RABGAP1L: variants seen among roughly 807,000 people sequenced by gnomAD.
The protein encoded by RABGAP1L is rab GTPase-activating protein 1-like.
In RABGAP1L, 63 loss-of-function variants were observed where a neutral mutation model predicts 137.7. That is an observed-to-expected ratio of 0.46 (90% CI 0.37 to 0.56). The LOEUF is 0.56. Among genes scored for constraint, RABGAP1L ranks in the 20% least tolerant of loss-of-function variants. RABGAP1L has a pLI of 0.00. For synonymous variants in RABGAP1L, 431 were observed against 433.7 expected, an observed-to-expected ratio of 0.99 and a Z score of 0.08; for missense variants, 1,095 against 1,244.0, an observed-to-expected ratio of 0.88 and a Z score of 1.80.
intron 17 of RABGAP1L, among the ~76,000 whole-genome samples, chr1:174,740,704 A>G (rs1291455232): frequency 6.6e-6 from 1 of 152,198 alleles, no homozygotes; most frequent in East Asian, 1.9e-4. Flanking sequence ...CCAACAGTGT[A>G]TATGAGTTCC....
chr1:174,551,021 T>TATATATATATATACACAC (rs1553330343), intron 13 of RABGAP1L, among the ~76,000 whole-genome samples: 18 of 122,796 alleles, frequency 1.5e-4, no homozygotes, highest in African/African-American at 6.5e-4. Context: ...TATATATATA[T>TATATATATATATACACAC]ACATACACAC....
intron 13 of RABGAP1L, among the ~76,000 whole-genome samples, chr1:174,600,057 TC>T (rs1361403129): frequency 1.3e-5 from 2 of 152,064 alleles, no homozygotes; most frequent in Non-Finnish European, 2.9e-5. Flanking sequence ...TGAGGAGGCC[TC>T]AGAATCATGG....
intron 19 of RABGAP1L, among the ~76,000 whole-genome samples, chr1:174,934,394 G>A (rs575149937): frequency 2.6e-5 from 4 of 152,162 alleles, no homozygotes; most frequent in Admixed American, 2.0e-4. Flanking sequence ...GCCGAAAGTT[G>A]TACAGTTTTT....
chr1:174,972,483 T>A (rs1670219751), intron 21 of RABGAP1L, among the ~76,000 whole-genome samples: 1 of 152,192 alleles, frequency 6.6e-6, no homozygotes, highest in South Asian at 2.1e-4. Flanking sequence ...ATTAGAACTT[T>A]CAGTATCAAT....
intron 19 of RABGAP1L, among the ~76,000 whole-genome samples, chr1:174,882,976 C>T (rs1654492939): frequency 6.6e-6 from 1 of 152,188 alleles, no homozygotes; most frequent in African/African-American, 2.4e-5. Context: ...GCACACACCA[C>T]CATGCCTGGC....
chr1:174,988,118 TTTA>T (rs1488107456), intron 24 of RABGAP1L, among the ~76,000 whole-genome samples: 9 of 152,172 alleles, frequency 5.9e-5, no homozygotes, highest in African/African-American at 2.2e-4. Flanking sequence ...CGGAGTTACT[TTTA>T]TTAAGCAACA....
intron 13 of RABGAP1L, among the ~76,000 whole-genome samples, chr1:174,446,299 G>A (rs1000118000): frequency 7.2e-5 from 11 of 152,196 alleles, no homozygotes; most frequent in Admixed American, 5.2e-4. Flanking sequence ...AGTGAAACTA[G>A]GAATGTAGAA....
intron 13 of RABGAP1L, among the ~76,000 whole-genome samples, chr1:174,580,273 A>G (rs1022308821): frequency 3.9e-5 from 6 of 152,218 alleles, no homozygotes; most frequent in Non-Finnish European, 8.8e-5. Context: ...CAGCAATCCC[A>G]TTACTGGGTA....
At chr1:174,309,716 A>T (rs926895793) in intron 11 of RABGAP1L, among the ~76,000 whole-genome samples, 1 of 152,072 alleles carries the variant, frequency 6.6e-6, no homozygotes, top group African/African-American at 2.4e-5. Context: ...CTTGATCATG[A>T]TGAATAATCT....
intron 13 of RABGAP1L, among the ~76,000 whole-genome samples, chr1:174,418,229 C>T (rs1328092516): frequency 6.6e-6 from 1 of 152,194 alleles, no homozygotes; most frequent in African/African-American, 2.4e-5. Context: ...TCTAGTTTGA[C>T]ACTTGAATTA....
Position 174,957,479 on chromosome 1 carries a change from A to C in RABGAP1L, c.2363A>C (p.Lys788Thr). Residue 788 changes from lysine (K) to threonine (T), a missense_variant, in exon 20 of 26, where the codon AAA becomes ACA. Lys to Thr is a moderately conservative substitution (Grantham distance 78). Coordinates refer to ENST00000681986, the MANE Select transcript of RABGAP1L (RefSeq NM_001366446.1). ...CAGGTACCAACCAAGAAGCTGAAGA[A>C]ATATGAGAAAGAATATCAGACAATG... ...NIKVPTKKLK[K>T]YEKEYQTMRE... 6.2e-7 allele frequency: 1 copy of C among 1,613,670 alleles called. No homozygotes were observed. Among genetic ancestry groups the C allele is most frequent in the Non-Finnish European group, 8.5e-7 (1 of 1,179,582 alleles).
At chr1:174,268,523 A>G (rs1674276015) in intron 7 of RABGAP1L, among the ~76,000 whole-genome samples, 1 of 152,094 alleles carries the variant, frequency 6.6e-6, no homozygotes, top group Non-Finnish European at 1.5e-5. Flanking sequence ...TTTTAATAAT[A>G]AAAGTTTAGT....
intron 17 of RABGAP1L, among the ~76,000 whole-genome samples, chr1:174,733,886 C>T (rs1043010753): frequency 1.3e-5 from 2 of 152,038 alleles, no homozygotes; most frequent in Admixed American, 6.6e-5. Context: ...TTGTGTTAAT[C>T]CAGATCAGGA....
At chr1:174,372,358 C>T (rs1685175092) in intron 12 of RABGAP1L, among the ~76,000 whole-genome samples, 1 of 151,956 alleles carries the variant, frequency 6.6e-6, no homozygotes, top group African/African-American at 2.4e-5. Context: ...TCATACAGGG[C>T]TGGTGCATAG....
chr1:174,386,453 C>G (rs1686782908), intron 12 of RABGAP1L, among the ~76,000 whole-genome samples: 1 of 151,674 alleles, frequency 6.6e-6, no homozygotes, highest in Non-Finnish European at 1.5e-5. Flanking sequence ...CTAAACCACT[C>G]TGGTTTTAGA....
chr1:174,368,509 C>T (rs576704694), intron 11 of RABGAP1L, among the ~76,000 whole-genome samples: 1 of 152,092 alleles, frequency 6.6e-6, no homozygotes, highest in Admixed American at 6.5e-5. Context: ...TTGGTAGATA[C>T]GTTTCATTGT....
At chr1:174,623,497 C>G (rs954313694) in intron 13 of RABGAP1L, among the ~76,000 whole-genome samples, 3 of 152,150 alleles carry the variant, frequency 2.0e-5, no homozygotes, top group Non-Finnish European at 4.4e-5. Context: ...GAGATTAAAG[C>G]CAGCCAAGGG....
At position 174,432,131 on chromosome 1, in the gene RABGAP1L, T is replaced by A. The variant is rs558764174; in HGVS notation, c.1710+37986T>A. 2.3e-4 allele frequency among the ~76,000 whole-genome samples: 35 copies of A among 152,276 alleles called. No individual in the cohort carries two copies. In the East Asian group the frequency reaches 5.8e-3, roughly 25 times the overall value. On this transcript the variant is annotated intron_variant, in intron 13 of 25. Coordinates refer to ENST00000681986, the MANE Select transcript of RABGAP1L (RefSeq NM_001366446.1). ...CCTCTCTCCTTCCTAACTCTATTAG[T>A]TCCCAGCATCTATTGTTGCTATCTT...
In RABGAP1L at chr1:174,819,019, A is replaced by G. The variant is rs146890143; in HGVS notation, c.2340+7059A>G. Among the ~76,000 whole-genome samples, 5 of 151,712 alleles carry G rather than the reference A, an allele frequency of 3.3e-5. No homozygotes were observed. In the East Asian group the frequency reaches 9.8e-4, roughly 30 times the overall value. ...GTGACAAGAGTGAGACCCTGTCTCA[A>G]AAAAACTCCAAAAATTATCTGGGCA... On this transcript the variant is annotated intron_variant, in intron 19 of 25. Transcript: ENST00000681986.
Sources: allele counts gnomAD v4.1 joint callset (sites outside exome capture counted in the v4.1 genomes callset), GRCh38; gene constraint gnomAD v4.1.1; transcripts MANE v1.5; gene names NCBI Gene and HGNC (gene_info 2026-07-23, HGNC 2026-07-21).